Variants in EYA4 observed in about 807,000 individuals in gnomAD.
EYA4 encodes EYA transcriptional coactivator and phosphatase 4, also known as protein phosphatase EYA4.
EYA4 carries 31 observed loss-of-function variants against 87.9 expected under a neutral mutation model. The ratio of observed to expected loss-of-function variants is 0.35; its 90% CI spans 0.27 to 0.48. EYA4 has a LOEUF of 0.48. Ranked by LOEUF, EYA4 falls within the 20% of genes least tolerant of loss-of-function variation. The pLI is 0.99. For missense variants in EYA4, 678 were observed against 761.4 expected, an observed-to-expected ratio of 0.89 and a Z score of 1.29; for synonymous variants, 263 against 270.6, an observed-to-expected ratio of 0.97 and a Z score of 0.28.
intron 2 of EYA4, among the ~76,000 whole-genome samples, chr6:133,311,258 C>T (rs925831896): frequency 6.6e-6 from 1 of 152,162 alleles, no homozygotes; most frequent in Non-Finnish European, 1.5e-5. Context: ...TCCTTCCCCT[C>T]TTTCCTGTGG....
chr6:133,514,513 G>C (rs1241565832), intron 16 of EYA4, among the ~76,000 whole-genome samples: 1 of 152,072 alleles, frequency 6.6e-6, no homozygotes, highest in Non-Finnish European at 1.5e-5. Context: ...ATTATAATGA[G>C]GACAAATGAG....
chr6:133,251,023 C>A (rs1053060290), intron 1 of EYA4, among the ~76,000 whole-genome samples: 1 of 152,112 alleles, frequency 6.6e-6, no homozygotes, highest in African/African-American at 2.4e-5. Context: ...GTCATCTTGG[C>A]AAATCTGAGG....
chr6:133,283,592 G>T (rs1306545518), intron 2 of EYA4, among the ~76,000 whole-genome samples: 1 of 152,118 alleles, frequency 6.6e-6, no homozygotes, highest in Non-Finnish European at 1.5e-5. Context: ...CAGAGTTTAG[G>T]TATCTTATTC....
chr6:133,396,022 T>C (rs212804), intron 3 of EYA4, among the ~76,000 whole-genome samples: 108,354 of 152,138 alleles, frequency 0.71, 41,685 homozygotes, highest in East Asian at 0.91. Flanking sequence ...TCCCCCTTCT[T>C]TTCTCCCTTC....
At position 133,439,036 on chromosome 6, in the gene EYA4, C is replaced by T. The variant is rs1430433425; in HGVS notation, c.84-7594C>T. Among the ~76,000 whole-genome samples the T allele has an allele frequency of 5.7e-5, 5 of 88,188 alleles. No homozygotes were observed. The South Asian group carries it at 1.4e-3, about 24-fold the overall frequency. 57.9% of individuals were successfully genotyped at this position (88,188 alleles called of 152,430 possible). ...CTGTACTCCAGCCTGGGTGACAAAG[C>T]GAGACTCCGTCTCAAAAAAAAAAAA... On this transcript the variant is annotated intron_variant, in intron 3 of 19. Transcript: ENST00000355286.
intron 2 of EYA4, among the ~76,000 whole-genome samples, chr6:133,329,451 G>A (rs1459768947): frequency 1.3e-5 from 2 of 152,036 alleles, no homozygotes; most frequent in Non-Finnish European, 2.9e-5. Context: ...GACAATTTTT[G>A]TTGCATAGTT....
intron 12 of EYA4, 46 bp from the exon 13 acceptor site, chr6:133,482,986 T>C (rs1159401578): frequency 3.4e-6 from 5 of 1,468,402 alleles, no homozygotes; most frequent in Non-Finnish European, 4.8e-6. Flanking sequence ...GAGATTTCTG[T>C]TTCCTTGGAC....
intron 16 of EYA4, among the ~76,000 whole-genome samples, chr6:133,514,172 T>C (rs115462667): frequency 1.2e-3 from 183 of 152,276 alleles, no homozygotes; most frequent in African/African-American, 3.8e-3. Context: ...CAAAAAGAAA[T>C]TGACCCCTGC....
chr6:133,243,664 T>C (rs1305148887), intron 1 of EYA4, among the ~76,000 whole-genome samples: 1 of 151,866 alleles, frequency 6.6e-6, no homozygotes, highest in Non-Finnish European at 1.5e-5. Context: ...CTTTTTTTTT[T>C]TTTTTGTCTT....
chr6:133,457,086 A>G (rs561399375), intron 6 of EYA4, among the ~76,000 whole-genome samples: 1 of 152,078 alleles, frequency 6.6e-6, no homozygotes, highest in Non-Finnish European at 1.5e-5. Context: ...CTGGGTTTAA[A>G]AAACTCCTCC....
chr6:133,430,813 T>C (rs535776495), intron 3 of EYA4, among the ~76,000 whole-genome samples: 4 of 152,234 alleles, frequency 2.6e-5, no homozygotes, highest in Non-Finnish European at 4.4e-5. Context: ...CTTGCTCTCA[T>C]AGAGTATACA....
At chr6:133,521,199 T>C (rs1248826260) in intron 17 of EYA4, among the ~76,000 whole-genome samples, 1 of 151,870 alleles carries the variant, frequency 6.6e-6, no homozygotes, top group Non-Finnish European at 1.5e-5. Flanking sequence ...GGGAGAAAAT[T>C]TTCGCAACCT....
chr6:133,240,899 A>G (rs1773890601), upstream of EYA4: 1 of 152,412 alleles, frequency 6.6e-6, no homozygotes, highest in South Asian at 2.1e-4. Flanking sequence ...CTGGGTAGCG[A>G]GAGAGTTCCA....
At chr6:133,410,112 G>A (rs2128536847) in intron 3 of EYA4, among the ~76,000 whole-genome samples, 1 of 152,216 alleles carries the variant, frequency 6.6e-6, no homozygotes, top group East Asian at 1.9e-4. Flanking sequence ...AGTTTAGATA[G>A]AGATAATATA....
intron 5 of EYA4, chr6:133,453,645 A>C (rs1793654761): frequency 6.6e-6 from 1 of 152,120 alleles, no homozygotes; most frequent in Non-Finnish European, 1.5e-5. Context: ...CTCACTTAGT[A>C]TGAATGCAGC....
At chr6:133,517,543 A>T (rs903981288) in intron 17 of EYA4, among the ~76,000 whole-genome samples, 5 of 152,182 alleles carry the variant, frequency 3.3e-5, no homozygotes, top group Admixed American at 6.6e-5. Context: ...CAAAAAAAAA[A>T]AAAGTTAATA....
At chr6:133,375,036 G>T (rs1162399150) in intron 2 of EYA4, among the ~76,000 whole-genome samples, 1 of 151,914 alleles carries the variant, frequency 6.6e-6, no homozygotes, top group South Asian at 2.1e-4. Context: ...GACAACTTTT[G>T]TGTTGCAAAG....
intron 2 of EYA4, among the ~76,000 whole-genome samples, chr6:133,374,390 A>G (rs1168344146): frequency 6.6e-6 from 1 of 152,020 alleles, no homozygotes; most frequent in East Asian, 1.9e-4. Flanking sequence ...AAGGCCAGAA[A>G]TCAAGTGAGA....
chr6:133,478,887 C>A (rs543608280), intron 11 of EYA4, among the ~76,000 whole-genome samples: 1 of 152,290 alleles, frequency 6.6e-6, no homozygotes, highest in Non-Finnish European at 1.5e-5. Context: ...CTGCTAAACT[C>A]CTCCTTTATG....
Sources: allele counts gnomAD v4.1 joint callset (sites outside exome capture counted in the v4.1 genomes callset), GRCh38; gene constraint gnomAD v4.1.1; transcripts MANE v1.5; gene names NCBI Gene and HGNC (gene_info 2026-07-23, HGNC 2026-07-21).